Variants in TMEM65 observed in about 807,000 individuals in gnomAD.
TMEM65 encodes the protein transmembrane protein 65.
In TMEM65, 22 loss-of-function variants were observed where a neutral mutation model predicts 25.4. The observed-to-expected ratio is 0.86, with a 90% CI of 0.62 to 1.23. The LOEUF is 1.23. TMEM65 is among the 50% of genes most tolerant of loss of function. The probability of loss-of-function intolerance (pLI) is 0.00; values close to 1 mark genes in which losing one functional copy is unlikely to be tolerated. For synonymous variants in TMEM65, 132 were observed against 126.2 expected (o/e 1.05, Z -0.31); for missense variants, 262 against 308.2 (o/e 0.85, Z 1.12).
At chr8:124,339,217 AAAAAAATATATATATAT>A (rs1554589630) in intron 1 of TMEM65, among the ~76,000 whole-genome samples, 1 of 38,690 alleles carries the variant, frequency 2.6e-5, no homozygotes, top group Non-Finnish European at 6.2e-5. Context: ...AAAAAAAAAA[AAAAAAATATATATATAT>A]ATATATATAT....
At chr8:124,323,713 C>G (rs947426915) in intron 3 of TMEM65, among the ~76,000 whole-genome samples, 2 of 151,882 alleles carry the variant, frequency 1.3e-5, no homozygotes, top group Non-Finnish European at 2.9e-5. Context: ...ACAAGACCGA[C>G]TCACATTGAT....
At chr8:124,324,238 A>C (rs1814340013) in intron 3 of TMEM65, among the ~76,000 whole-genome samples, 2 of 152,066 alleles carry the variant, frequency 1.3e-5, no homozygotes, top group African/African-American at 4.8e-5. Context: ...AGGGAAAAAA[A>C]CGCCCTGTAT....
At position 124,372,029 on chromosome 8, in the gene TMEM65, G is replaced by A. The variant is rs1328514830; in HGVS notation, c.129C>T (p.Pro43=). 4.0e-6 allele frequency: 5 copies of A among 1,261,138 alleles called. No individual in the cohort carries two copies. The South Asian group carries it at 1.3e-4, about 32-fold the overall frequency. 78.1% of individuals were successfully genotyped at this position (1,261,138 alleles called of 1,614,324 possible). The change falls in exon 1 of 7, where the codon CCC becomes CCT. Residue 43 remains proline (P), a synonymous_variant. Transcript: ENST00000297632. The stretch of plus-strand genomic sequence containing the variant: ...TGGGGCCGCCCGGCAAGCCGCCGGG[G>A]GGCGCGAGCGCCAGCAGCCCCCGCC... The part of the protein sequence containing the change: ...CCGRGLLALA[P]PGGLPGGPRR...
At chr8:124,317,573 C>T (rs1057283777) in intron 6 of TMEM65, among the ~76,000 whole-genome samples, 5 of 152,082 alleles carry the variant, frequency 3.3e-5, no homozygotes, top group East Asian at 3.9e-4. Flanking sequence ...TGCTGGGTTC[C>T]GTCTCCAGAA....
intron 1 of TMEM65, among the ~76,000 whole-genome samples, chr8:124,350,415 T>TCTCC (rs149079986): frequency 0.021 from 3,152 of 151,566 alleles, 118 homozygotes; most frequent in African/African-American, 0.072. Flanking sequence ...TCTCTCTCTC[T>TCTCC]CTCACCACTC....
intron 1 of TMEM65, among the ~76,000 whole-genome samples, chr8:124,364,801 C>T (rs1432733596): frequency 2.0e-5 from 3 of 152,050 alleles, no homozygotes; most frequent in Non-Finnish European, 2.9e-5. Flanking sequence ...AGACATAAAC[C>T]TGTGAGTCAA....
chr8:124,352,029 C>G (rs2131220196), intron 1 of TMEM65, among the ~76,000 whole-genome samples: 1 of 152,336 alleles, frequency 6.6e-6, no homozygotes, highest in South Asian at 2.1e-4. Context: ...TTTGCTGTCT[C>G]TGTGTGAACT....
At position 124,307,388 on chromosome 8, in the gene TMEM65, T is replaced by A. The variant is rs935622996; in HGVS notation, c.*6572A>T. 6 of 152,190 alleles carry A rather than the reference T, an allele frequency of 3.9e-5. No homozygotes were observed. Among genetic ancestry groups the A allele is most frequent in the Non-Finnish European group, 8.8e-5 (6 of 68,038 alleles). 9.4% of individuals were successfully genotyped at this position (152,190 alleles called of 1,614,324 possible). ...AGAAAAAGTTAAATTGCTTGATGTG[T>A]ACTGGTCTGCAGCTGTAGTTGCCCA... On this transcript the variant is annotated 3_prime_UTR_variant, in exon 7 of 7. Transcript: ENST00000297632.
At position 124,357,384 on chromosome 8, in the gene TMEM65, C is replaced by T. The variant is rs1169445545; in HGVS notation, c.304+14470G>A. ...TTCCTATAGGTTAAATGTTAGATTT[C>T]GTTTTAAAAAGTCATTCGAGTTAGG... is the stretch of plus-strand genomic sequence containing the variant. On this transcript the variant is annotated intron_variant, in intron 1 of 6. Transcript: ENST00000297632. 3.3e-5 allele frequency among the ~76,000 whole-genome samples: 5 copies of T among 151,990 alleles called. No homozygotes were observed. In the East Asian group the frequency reaches 5.8e-4, roughly 18 times the overall value.
chr8:124,352,475 C>CATAAAATAAAATAAAATAAA (rs202063585), intron 1 of TMEM65, among the ~76,000 whole-genome samples: 45 of 127,906 alleles, frequency 3.5e-4, no homozygotes, highest in African/African-American at 1.3e-3. Context: ...AATTTACTAT[C>CATAAAATAAAATAAAATAAA]ATAAAATAAA....
intron 3 of TMEM65, among the ~76,000 whole-genome samples, chr8:124,326,862 C>T (rs1814371617): frequency 6.6e-6 from 1 of 151,824 alleles, no homozygotes; most frequent in South Asian, 2.1e-4. Flanking sequence ...TACAATGGAA[C>T]AAGGCAAAAG....
chr8:124,366,445 CA>C (rs1814938988), intron 1 of TMEM65, among the ~76,000 whole-genome samples: 2 of 152,146 alleles, frequency 1.3e-5, no homozygotes, highest in African/African-American at 4.8e-5. Context: ...ACCTTCTGAC[CA>C]GACCATCAGC....
chr8:124,338,416 G>C lies in TMEM65; in HGVS notation c.305-7624C>G, dbSNP rs900478315. On this transcript the variant is annotated intron_variant, in intron 1 of 6. Transcript: ENST00000297632. ...CAACAGCAAGAGAGAATATATGTAAGGGTGGTTTTTTTTTATTTCTGCAAA... is the reference window on the plus strand; with the variant it reads ...CAACAGCAAGAGAGAATATATGTAACGGTGGTTTTTTTTTATTTCTGCAAA... Among the ~76,000 whole-genome samples, 136 of 149,712 alleles carry C rather than the reference G, an allele frequency of 9.1e-4. 2 individuals are homozygous for C. The highest frequency in any genetic ancestry group is 3.3e-3 in the African/African-American group (131 of 40,018).
chr8:124,323,303 T>C lies in TMEM65; in HGVS notation c.472+18A>G, dbSNP rs1481364032. 2 of 1,350,924 alleles carry C rather than the reference T, an allele frequency of 1.5e-6. No individual in the cohort carries two copies. The highest frequency in any genetic ancestry group is 4.0e-5 in the Admixed American group (2 of 49,682). The allele number at this position is 1,350,924 out of a possible 1,614,324, so 83.7% of individuals were successfully genotyped here. A position where few individuals can be genotyped will look rare whatever the true frequency, so the allele number is the denominator to read the frequency against. On this transcript the variant is annotated intron_variant, in intron 4 of 6. Coordinates refer to ENST00000297632, the MANE Select transcript of TMEM65 (RefSeq NM_194291.3). Reference sequence around the variant, plus strand: ...ATAAGTGTACAATGAAATAATAACATTTACTACTGTTAAATACCTGCCATA... The same window carrying C: ...ATAAGTGTACAATGAAATAATAACACTTACTACTGTTAAATACCTGCCATA...
At position 124,311,797 on chromosome 8, in the gene TMEM65, GAA is replaced by G. The variant is rs1814164638; in HGVS notation, c.*2161_*2162del. 1 of 151,880 alleles carries G rather than the reference GAA, an allele frequency of 6.6e-6. No individual in the cohort carries two copies. The highest frequency in any genetic ancestry group is 2.4e-5 in the African/African-American group (1 of 41,372). The allele number at this position is 151,880 out of a possible 1,614,324, so 9.4% of individuals were successfully genotyped here. The stretch of plus-strand genomic sequence containing the variant: ...TAAAGACAAATGGTCTCCATTTTTT[GAA>G]AATTACCTGAATGATTCAAATTTTT... On this transcript the variant is annotated 3_prime_UTR_variant, in exon 7 of 7. Coordinates refer to ENST00000297632, the MANE Select transcript of TMEM65 (RefSeq NM_194291.3).
At chr8:124,337,895 A>C (rs1814531370) in intron 1 of TMEM65, among the ~76,000 whole-genome samples, 1 of 152,078 alleles carries the variant, frequency 6.6e-6, no homozygotes, top group African/African-American at 2.4e-5. Flanking sequence ...ATATGTTAAA[A>C]GGATGAGGAT....
intron 1 of TMEM65, among the ~76,000 whole-genome samples, chr8:124,366,737 T>TACTTGATC (rs1363878006): frequency 6.6e-6 from 1 of 151,940 alleles, no homozygotes; most frequent in Non-Finnish European, 1.5e-5. Flanking sequence ...TTTACTTGAT[T>TACTTGATC]ACTTGATTAT....
chr8:124,369,115 T>C (rs1814978279), intron 1 of TMEM65, among the ~76,000 whole-genome samples: 1 of 152,202 alleles, frequency 6.6e-6, no homozygotes, highest in African/African-American at 2.4e-5. Flanking sequence ...TAATGCTCTA[T>C]CAGCAGAATA....
intron 3 of TMEM65, among the ~76,000 whole-genome samples, chr8:124,323,876 A>C (rs1446970165): frequency 6.6e-6 from 1 of 152,094 alleles, no homozygotes; most frequent in East Asian, 1.9e-4. Flanking sequence ...CTATACATTC[A>C]ATTTATAAGC....
Sources: allele counts gnomAD v4.1 joint callset (sites outside exome capture counted in the v4.1 genomes callset), GRCh38; gene constraint gnomAD v4.1.1; transcripts MANE v1.5; gene names NCBI Gene and HGNC (gene_info 2026-07-23, HGNC 2026-07-21).